The following FLNB variants were observed in gnomAD, a reference collection of about 807,000 sequenced individuals.
FLNB encodes filamin B.
Under a neutral mutation model 250.6 loss-of-function variants are expected in FLNB, and 111 were observed. That is an observed-to-expected ratio of 0.44 (90% confidence interval 0.38 to 0.52). The LOEUF (loss-of-function observed/expected upper bound fraction) is 0.52, where lower values mean the gene tolerates loss of function less well. Among genes scored for constraint, FLNB ranks in the 20% least tolerant of loss-of-function variants. The pLI is 0.00. For missense variants in FLNB, 2,869 were observed against 3,447.8 expected, an observed-to-expected ratio of 0.83 and a Z score of 4.20; for synonymous variants, 1,302 against 1,372.1, an observed-to-expected ratio of 0.95 and a Z score of 1.13.
Position 58,102,126 on chromosome 3 carries a change from G to A in FLNB, c.1346-77G>A. On this transcript the variant is annotated intron_variant, in intron 8 of 45. Coordinates refer to ENST00000295956, the MANE Select transcript of FLNB (RefSeq NM_001457.4). ...CAAAGCAAATATTTTCTTGGCGGGT[G>A]GCTCCAGGTTACCTTGGCTTTCACG... The A allele has an allele frequency of 1.0e-5, 16 of 1,547,946 alleles. No individual in the cohort carries two copies. In the South Asian group the frequency reaches 1.6e-4, roughly 15 times the overall value.
chr3:58,127,885 G>A (rs371505029), intron 24 of FLNB, among the ~76,000 whole-genome samples: 6 of 152,130 alleles, frequency 3.9e-5, no homozygotes, highest in Non-Finnish European at 7.3e-5. Flanking sequence ...GGTACAAGTC[G>A]TTTGTGGTTA....
At chr3:58,138,678 G>C in intron 29 of FLNB, 149 bp downstream of exon 29, 2 of 951,488 alleles carry the variant, frequency 2.1e-6, no homozygotes, top group Non-Finnish European at 3.3e-6. Flanking sequence ...TAGAGTCCCA[G>C]AGTAATCTCT....
chr3:58,118,645 C>G (rs549462979), intron 18 of FLNB, among the ~76,000 whole-genome samples: 1 of 152,274 alleles, frequency 6.6e-6, no homozygotes, highest in Admixed American at 6.5e-5. Flanking sequence ...AGAAAATGCT[C>G]ATTAAGTTGC....
chr3:58,123,642 G>A lies in FLNB; in HGVS notation c.3676G>A (p.Val1226Met), dbSNP rs754121842. 3.8e-5 allele frequency: 62 copies of A among 1,611,616 alleles called. No homozygotes were observed. Among genetic ancestry groups the A allele is most frequent in the Admixed American group, 6.7e-5 (4 of 59,774 alleles). Residue 1226 changes from valine (V) to methionine (M), a missense_variant, in exon 21 of 46, where the codon GTG becomes ATG. Val to Met is a conservative substitution (Grantham distance 21). Transcript: ENST00000295956. The stretch of plus-strand genomic sequence containing the variant: ...CGCCCGGGTCAAGGTGGAGCCCGCC[G>A]TGGACACCAGCAGGATCAAAGTCTT... The part of the protein sequence containing the change: ...FPARVKVEPA[V>M]DTSRIKVFGP...
At position 58,024,716 on chromosome 3, in the gene FLNB, TTTTTTTTTTTTTA is replaced by T. The variant is rs1470199778; in HGVS notation, c.292+15861_292+15873del. Among the ~76,000 whole-genome samples, 697 of 118,924 alleles carry T rather than the reference TTTTTTTTTTTTTA, an allele frequency of 5.9e-3. 15 individuals are homozygous for T. The highest frequency in any genetic ancestry group is 0.027 in the African/African-American group (628 of 23,226). The allele number at this position is 118,924 out of a possible 152,430, so 78.0% of individuals were successfully genotyped here. On this transcript the variant is annotated intron_variant, in intron 1 of 45. Transcript: ENST00000295956. ...GCCAAGCCTCCTTTTTTTTTTTTTT[TTTTTTTTTTTTTA>T]ACCTTGAGACAGTCTTGCTTTGTTG...
intron 38 of FLNB, among the ~76,000 whole-genome samples, chr3:58,151,802 A>G (rs1370478066): frequency 6.6e-6 from 1 of 152,172 alleles, no homozygotes; most frequent in African/African-American, 2.4e-5. Context: ...CCCTGTGCTC[A>G]GGCTGTGGGC....
intron 1 of FLNB, among the ~76,000 whole-genome samples, chr3:58,020,845 G>A (rs1559639997): frequency 6.6e-6 from 1 of 151,982 alleles, no homozygotes; most frequent in African/African-American, 2.4e-5. Flanking sequence ...TTTGCCGCAA[G>A]CCCATAAATT....
intron 1 of FLNB, among the ~76,000 whole-genome samples, chr3:58,072,269 C>G (rs1309200762): frequency 6.6e-6 from 1 of 151,868 alleles, no homozygotes; most frequent in Non-Finnish European, 1.5e-5. Context: ...ACCCATGGCC[C>G]AATTCCAACC....
chr3:58,073,533 A>G (rs1015983911), intron 1 of FLNB, among the ~76,000 whole-genome samples: 1 of 151,546 alleles, frequency 6.6e-6, no homozygotes, highest in Non-Finnish European at 1.5e-5. Flanking sequence ...AGGGCCCTGT[A>G]CTTGGTTTAT....
intron 38 of FLNB, chr3:58,152,849 C>A: frequency 2.6e-6 from 2 of 770,578 alleles, no homozygotes; most frequent in South Asian, 1.5e-5. Context: ...CAGTCGTTGG[C>A]ATGACGTGAG....
intron 1 of FLNB, among the ~76,000 whole-genome samples, chr3:58,020,049 GT>G (rs1440404993): frequency 0.031 from 65 of 2,100 alleles, no homozygotes; most frequent in African/African-American, 0.059. Flanking sequence ...CACCACAGGG[GT>G]GTGTGTGTGT....
chr3:58,127,601 G>A (rs2097300177), intron 24 of FLNB, among the ~76,000 whole-genome samples: 1 of 152,130 alleles, frequency 6.6e-6, no homozygotes, highest in African/African-American at 2.4e-5. Flanking sequence ...TCCCTGCCCT[G>A]TACCTGCTAG....
chr3:58,130,182 C>G (rs2097304606), intron 24 of FLNB, among the ~76,000 whole-genome samples: 1 of 152,134 alleles, frequency 6.6e-6, no homozygotes, highest in Admixed American at 6.5e-5. Context: ...GGGGACAGGG[C>G]TGGATGTGGG....
intron 19 of FLNB, among the ~76,000 whole-genome samples, chr3:58,119,222 G>A (rs1005286467): frequency 1.5e-4 from 23 of 151,916 alleles, no homozygotes; most frequent in South Asian, 6.2e-4. Flanking sequence ...GGGGGTGGTC[G>A]GCGGGGAGAG....
intron 18 of FLNB, among the ~76,000 whole-genome samples, chr3:58,117,110 T>C (rs1156273117): frequency 6.6e-6 from 1 of 152,054 alleles, no homozygotes; most frequent in Non-Finnish European, 1.5e-5. Context: ...TAGAGGAGAG[T>C]GAAACTGTCT....
intron 40 of FLNB, 72 bp downstream of exon 40, chr3:58,155,000 C>T: frequency 1.3e-6 from 2 of 1,513,678 alleles, no homozygotes; most frequent in Non-Finnish European, 1.8e-6. Context: ...AACAGAAATC[C>T]ATCAAGTTTG....
At chr3:58,149,124 C>G (rs2097340713) in intron 36 of FLNB, 2 of 473,194 alleles carry the variant, frequency 4.2e-6, no homozygotes, top group South Asian at 4.2e-5. Context: ...TCGCAAACCC[C>G]TGTTTTCTTA....
chr3:58,148,105 A>T lies in FLNB; in HGVS notation c.5729-101A>T, dbSNP rs138077100. 99 of 1,185,592 alleles carry T rather than the reference A, an allele frequency of 8.4e-5. 1 individual carries two copies. The East Asian group carries it at 2.0e-3, about 24-fold the overall frequency. 73.4% of individuals were successfully genotyped at this position (1,185,592 alleles called of 1,614,324 possible). A position where few individuals can be genotyped will look rare whatever the true frequency, so the allele number is the denominator to read the frequency against. Reference sequence around the variant, plus strand: ...TTTTTTCACTTAACTTTGTGTAATTAGTTCTTGCGTGTTCATCCGTGAACA... The same window carrying T: ...TTTTTTCACTTAACTTTGTGTAATTTGTTCTTGCGTGTTCATCCGTGAACA... On this transcript the variant is annotated intron_variant, in intron 34 of 45. Coordinates refer to ENST00000295956, the MANE Select transcript of FLNB (RefSeq NM_001457.4).
At chr3:58,051,794 T>C (rs927687773) in intron 1 of FLNB, among the ~76,000 whole-genome samples, 1 of 152,080 alleles carries the variant, frequency 6.6e-6, no homozygotes, top group Non-Finnish European at 1.5e-5. Context: ...ATGCTTGAGA[T>C]AGGACCAAGG....
Sources: allele counts gnomAD v4.1 joint callset (sites outside exome capture counted in the v4.1 genomes callset), GRCh38; gene constraint gnomAD v4.1.1; transcripts MANE v1.5; gene names NCBI Gene and HGNC (gene_info 2026-07-23, HGNC 2026-07-21).